The following MAN1A1 variants were observed in gnomAD, a reference collection of about 807,000 sequenced individuals.
MAN1A1 encodes the protein mannosyl-oligosaccharide 1,2-alpha-mannosidase IA.
MAN1A1 carries 29 observed loss-of-function variants against 70.8 expected under a neutral mutation model. The ratio of observed to expected loss-of-function variants is 0.41; its 90% CI spans 0.31 to 0.56. The LOEUF (loss-of-function observed/expected upper bound fraction) is 0.56. MAN1A1 is among the 20% of genes least tolerant of loss of function. The pLI is 0.29. For synonymous variants in MAN1A1, 349 were observed against 330.1 expected, an observed-to-expected ratio of 1.06 and a Z score of -0.62; for missense variants, 747 against 841.3, an observed-to-expected ratio of 0.89 and a Z score of 1.39.
chr6:119,204,653 A>T, intron 7 of MAN1A1, 106 bp downstream of exon 7: 2 of 1,372,768 alleles, frequency 1.5e-6, no homozygotes, highest in Non-Finnish European at 2.0e-6. Context: ...GAGCTATAAC[A>T]AATTTGGTTA....
chr6:119,249,956 G>A, intron 5 of MAN1A1, among the ~76,000 whole-genome samples: 1 of 152,154 alleles, frequency 6.6e-6, no homozygotes, highest in East Asian at 1.9e-4. Flanking sequence ...ATACAAATAA[G>A]GAAATACATT....
At position 119,229,229 on chromosome 6, in the gene MAN1A1, C is replaced by A. The variant is rs372905604; in HGVS notation, c.992+19031G>T. 2.1e-3 allele frequency among the ~76,000 whole-genome samples: 262 copies of A among 126,472 alleles called. 3 individuals carry two copies. Among genetic ancestry groups the A allele is most frequent in the African/African-American group, 6.4e-3 (219 of 33,964 alleles). The allele number at this position is 126,472 out of a possible 152,430, so 83.0% of individuals were successfully genotyped here. A position where few individuals can be genotyped will look rare whatever the true frequency, so the allele number is the denominator to read the frequency against. On this transcript the variant is annotated intron_variant, in intron 6 of 12. Coordinates refer to ENST00000368468, the MANE Select transcript of MAN1A1 (RefSeq NM_005907.4). ...TGTTCTGAGACAAAAAAAAAAAAAA[C>A]AAAAAATGCAGATCAGAAATACTAA...
At chr6:119,221,588 G>A (rs1249907271) in intron 6 of MAN1A1, among the ~76,000 whole-genome samples, 7 of 149,018 alleles carry the variant, frequency 4.7e-5, no homozygotes, top group South Asian at 4.3e-4. Context: ...TTCTCATGCC[G>A]TAGCCTCCCC....
intron 6 of MAN1A1, among the ~76,000 whole-genome samples, chr6:119,223,068 T>C (rs1402366538): frequency 2.6e-5 from 4 of 152,122 alleles, no homozygotes; most frequent in Non-Finnish European, 5.9e-5. Context: ...AGGGAAGAAA[T>C]AAGAAACAGG....
chr6:119,251,248 A>T (rs912924415), intron 5 of MAN1A1, among the ~76,000 whole-genome samples: 10 of 152,210 alleles, frequency 6.6e-5, no homozygotes, highest in African/African-American at 2.4e-4. Context: ...AAGAAATGAT[A>T]ATGACTTCCT....
In MAN1A1 at chr6:119,189,693, C is replaced by T. The variant is rs367711162; in HGVS notation, c.1517G>A (p.Arg506His). ...HYLELGAEIA[R>H]TCHESYNRTF... is the part of the protein sequence containing the mutation. The stretch of plus-strand genomic sequence containing the variant: ...TCGATTATATGATTCATGACAAGTA[C>T]GGGCAATTTCAGCCCCGAGTTCAAG... Residue 506 changes from arginine (R) to histidine (H), a missense_variant, in exon 10 of 13, where the codon CGT becomes CAT. Transcript: ENST00000368468. 1.5e-5 allele frequency: 24 copies of T among 1,613,842 alleles called. No individual in the cohort carries two copies. The highest frequency in any genetic ancestry group is 6.7e-5 in the African/African-American group (5 of 74,856).
chr6:119,315,878 C>G lies in MAN1A1; in HGVS notation c.604-8886G>C, dbSNP rs1244399990. Reference sequence around the variant, plus strand: ...GATGACTATGGTCTCCAGGCAGAAGCTGTCACTGAGTTCAGAAGTTGTCAC... The same window carrying G: ...GATGACTATGGTCTCCAGGCAGAAGGTGTCACTGAGTTCAGAAGTTGTCAC... On this transcript the variant is annotated intron_variant, in intron 2 of 12. Transcript: ENST00000368468. 2.0e-5 allele frequency among the ~76,000 whole-genome samples: 3 copies of G among 152,202 alleles called. No individual in the cohort carries two copies. In the East Asian group the frequency reaches 5.8e-4, roughly 29 times the overall value.
chr6:119,211,193 C>T (rs1774041590), intron 6 of MAN1A1, among the ~76,000 whole-genome samples: 1 of 152,200 alleles, frequency 6.6e-6, no homozygotes, highest in Non-Finnish European at 1.5e-5. Context: ...ACTTAAGACA[C>T]TAACACCATA....
At chr6:119,181,689 C>T (rs574620381) in intron 11 of MAN1A1, among the ~76,000 whole-genome samples, 22 of 152,090 alleles carry the variant, frequency 1.4e-4, no homozygotes, top group African/African-American at 5.1e-4. Flanking sequence ...CCTTTCAGAG[C>T]CCACTTTCTT....
At chr6:119,201,136 T>C (rs1399079704) in intron 8 of MAN1A1, 118 bp downstream of exon 8, 6 of 717,970 alleles carry the variant, frequency 8.4e-6, no homozygotes, top group Non-Finnish European at 1.5e-5. Flanking sequence ...AAAGGAGCCA[T>C]GCCCTTTTCT....
At chr6:119,313,079 T>C (rs752072121) in intron 2 of MAN1A1, among the ~76,000 whole-genome samples, 1 of 152,112 alleles carries the variant, frequency 6.6e-6, no homozygotes, top group Non-Finnish European at 1.5e-5. Flanking sequence ...GAAGTTCTCC[T>C]TCCTTTGATG....
At chr6:119,328,257 T>C (rs1468949779) in intron 2 of MAN1A1, among the ~76,000 whole-genome samples, 1 of 152,188 alleles carries the variant, frequency 6.6e-6, no homozygotes, top group African/African-American at 2.4e-5. Flanking sequence ...AGAAACCCGG[T>C]CTTCAAACCC....
At chr6:119,226,186 G>A (rs1307500103) in intron 6 of MAN1A1, among the ~76,000 whole-genome samples, 2 of 152,104 alleles carry the variant, frequency 1.3e-5, no homozygotes, top group East Asian at 3.8e-4. Context: ...GTCTAAAGAG[G>A]ACTCAAAATG....
chr6:119,348,716 A>C lies in MAN1A1; in HGVS notation c.350T>G (p.Leu117Arg). Residue 117 changes from leucine (L) to arginine (R), a missense_variant, in exon 2 of 13, where the codon CTG becomes CGG. By Grantham distance (102) the Leu-to-Arg change is moderately radical. Transcript: ENST00000368468. Reference sequence around the variant, plus strand: ...GCGGATCCTGGCCAAGTTGTCCTCCAGGGCGGCCTCCGGGTCCCCGGGTGC... The same window carrying C: ...GCGGATCCTGGCCAAGTTGTCCTCCCGGGCGGCCTCCGGGTCCCCGGGTGC... ...EGAPGDPEAA[L>R]EDNLARIREN... 6.3e-7 allele frequency: 1 copy of C among 1,593,308 alleles called. No individual in the cohort carries two copies. The highest frequency in any genetic ancestry group is 8.5e-7 in the Non-Finnish European group (1 of 1,171,406).
At chr6:119,340,956 C>T (rs999830599) in intron 2 of MAN1A1, among the ~76,000 whole-genome samples, 2 of 152,134 alleles carry the variant, frequency 1.3e-5, no homozygotes, top group South Asian at 2.1e-4. Flanking sequence ...CTGAGAAACA[C>T]GAGCGAGAAG....
intron 2 of MAN1A1, among the ~76,000 whole-genome samples, chr6:119,339,606 T>C (rs1326463898): frequency 6.6e-6 from 1 of 152,118 alleles, no homozygotes; most frequent in African/African-American, 2.4e-5. Flanking sequence ...ATTTGTTTTT[T>C]TTTTTCTACT....
At chr6:119,239,812 C>T (rs1433237215) in intron 6 of MAN1A1, among the ~76,000 whole-genome samples, 1 of 152,118 alleles carries the variant, frequency 6.6e-6, no homozygotes, top group Non-Finnish European at 1.5e-5. Context: ...CCATTGTTAG[C>T]TTGTGAGGGA....
intron 2 of MAN1A1, among the ~76,000 whole-genome samples, chr6:119,307,249 T>C (rs573041587): frequency 2.0e-5 from 3 of 152,280 alleles, no homozygotes; most frequent in African/African-American, 4.8e-5. Flanking sequence ...TTAATGCAAA[T>C]ACCATTTTCA....
intron 4 of MAN1A1, 103 bp from the exon 5 acceptor site, chr6:119,290,866 T>C: frequency 1.4e-6 from 1 of 726,582 alleles, no homozygotes; most frequent in East Asian, 2.7e-5. Context: ...AATCTTATGC[T>C]TGCCCAGAGA....
Sources: allele counts gnomAD v4.1 joint callset (sites outside exome capture counted in the v4.1 genomes callset), GRCh38; gene constraint gnomAD v4.1.1; transcripts MANE v1.5; gene names NCBI Gene and HGNC (gene_info 2026-07-23, HGNC 2026-07-21).